Variants in TRPM3 observed in about 807,000 individuals in gnomAD.
TRPM3 encodes transient receptor potential cation channel subfamily M member 3.
TRPM3 carries 77 observed loss-of-function variants against 181.2 expected under a neutral mutation model. The observed-to-expected ratio is 0.42, with a 90% CI of 0.35 to 0.51. The LOEUF is 0.51. TRPM3 is among the 20% of genes least tolerant of loss of function. The pLI is 0.01. For synonymous variants in TRPM3, 745 were observed against 796.4 expected (o/e 0.94, Z 1.09); for missense variants, 1,759 against 2,196.7 (o/e 0.80, Z 3.98).
intron 1 of TRPM3, among the ~76,000 whole-genome samples, chr9:71,032,201 A>G (rs2057609462): frequency 7.8e-6 from 1 of 128,682 alleles, no homozygotes; most frequent in South Asian, 2.2e-4. Context: ...AATATAATAT[A>G]TAATATATAG....
chr9:70,808,078 A>G (rs2091083586), intron 6 of TRPM3, among the ~76,000 whole-genome samples: 1 of 152,188 alleles, frequency 6.6e-6, no homozygotes, highest in South Asian at 2.1e-4. Context: ...ATGTTAGGAG[A>G]AGCTATAAAA....
At chr9:71,042,618 G>A (rs975889499) in intron 1 of TRPM3, among the ~76,000 whole-genome samples, 1 of 152,120 alleles carries the variant, frequency 6.6e-6, no homozygotes, top group Non-Finnish European at 1.5e-5. Context: ...CTATGTCCAA[G>A]CTAATATTTA....
intron 1 of TRPM3, among the ~76,000 whole-genome samples, chr9:71,389,250 A>G (rs2093000965): frequency 6.6e-6 from 1 of 152,158 alleles, no homozygotes; most frequent in Non-Finnish European, 1.5e-5. Flanking sequence ...ACTAATGATC[A>G]GGGAAATGCA....
chr9:71,356,540 T>C (rs1260858914), intron 1 of TRPM3, among the ~76,000 whole-genome samples: 1 of 152,150 alleles, frequency 6.6e-6, no homozygotes, highest in Non-Finnish European at 1.5e-5. Flanking sequence ...TGAGGCACAT[T>C]ACTTCACTTA....
At chr9:71,135,704 G>A (rs1367948500) in intron 1 of TRPM3, among the ~76,000 whole-genome samples, 1 of 152,150 alleles carries the variant, frequency 6.6e-6, no homozygotes. Flanking sequence ...GATATAAGTA[G>A]AGAGTTTTGC....
intron 22 of TRPM3, among the ~76,000 whole-genome samples, chr9:70,571,904 C>T (rs2132178073): frequency 6.6e-6 from 1 of 152,228 alleles, no homozygotes; most frequent in South Asian, 2.1e-4. Context: ...TTTTGTGTTG[C>T]CAGCAATGTC....
At chr9:70,987,742 G>A (rs1262606069) in intron 1 of TRPM3, among the ~76,000 whole-genome samples, 1 of 152,044 alleles carries the variant, frequency 6.6e-6, no homozygotes, top group Admixed American at 6.6e-5. Context: ...CTGCACACCA[G>A]TAGAACAATG....
chr9:70,985,537 T>C (rs2097410805), intron 1 of TRPM3, among the ~76,000 whole-genome samples: 1 of 152,184 alleles, frequency 6.6e-6, no homozygotes, highest in African/African-American at 2.4e-5. Flanking sequence ...TTTAGTTAGG[T>C]ATTTATTATT....
intron 1 of TRPM3, among the ~76,000 whole-genome samples, chr9:71,388,954 A>G (rs1379681630): frequency 1.3e-5 from 2 of 152,110 alleles, no homozygotes; most frequent in Non-Finnish European, 2.9e-5. Flanking sequence ...TAGCAAAACA[A>G]CAGCTTCTTT....
chr9:70,569,275 TA>T, intron 22 of TRPM3, among the ~76,000 whole-genome samples: 1 of 152,200 alleles, frequency 6.6e-6, no homozygotes. Flanking sequence ...GACCCAAGAA[TA>T]AGCAGTCTGT....
intron 1 of TRPM3, among the ~76,000 whole-genome samples, chr9:71,305,898 T>C (rs1409314147): frequency 2.0e-5 from 3 of 152,138 alleles, no homozygotes; most frequent in African/African-American, 4.8e-5. Context: ...ATCTATCTTA[T>C]AGGATCAGGG....
intron 9 of TRPM3, among the ~76,000 whole-genome samples, chr9:70,645,154 A>G (rs1029521001): frequency 2.6e-5 from 4 of 152,216 alleles, no homozygotes; most frequent in Admixed American, 6.5e-5. Context: ...TACAGATTCA[A>G]TGCTATTACC....
rs993914053 is a variant in TRPM3 at position 70,974,517 on chromosome 9, C to T, written c.178-110006G>A. 4.0e-5 allele frequency among the ~76,000 whole-genome samples: 6 copies of T among 150,546 alleles called. No homozygotes were observed. In the East Asian group the frequency reaches 8.0e-4, roughly 20 times the overall value. ...GCGCGCCACTGCACTCCAGCCTGGG[C>T]GACAGAGCGAGACTCCGTCTCAAAA... is the stretch of plus-strand genomic sequence containing the variant. On this transcript the variant is annotated intron_variant, in intron 1 of 25. Coordinates refer to ENST00000677713, the MANE Select transcript of TRPM3 (RefSeq NM_001366145.2).
chr9:71,351,870 GTTTTTGTT>G (rs2091648727), intron 1 of TRPM3, among the ~76,000 whole-genome samples: 3 of 95,660 alleles, frequency 3.1e-5, no homozygotes, highest in South Asian at 8.0e-4. Context: ...TTGTTTGTTT[GTTTTTGTT>G]TTTTTTTTTT....
At chr9:71,265,021 T>C (rs1052817535) in intron 1 of TRPM3, among the ~76,000 whole-genome samples, 1 of 152,188 alleles carries the variant, frequency 6.6e-6, no homozygotes, top group Non-Finnish European at 1.5e-5. Flanking sequence ...ATTTGGATGA[T>C]AGCAAAGAAA....
chr9:71,200,440 G>A (rs890150092), intron 1 of TRPM3, among the ~76,000 whole-genome samples: 4 of 150,708 alleles, frequency 2.7e-5, no homozygotes, highest in Admixed American at 2.7e-4. Flanking sequence ...TTAACTTTCT[G>A]TCTCGTTGAT....
At chr9:70,617,511 A>T (rs1194203285) in intron 17 of TRPM3, among the ~76,000 whole-genome samples, 2 of 152,224 alleles carry the variant, frequency 1.3e-5, no homozygotes, top group African/African-American at 4.8e-5. Context: ...TGTAATGTAC[A>T]ATACGAGGAC....
chr9:71,133,292 C>CTTTTTTTTTT lies in TRPM3; in HGVS notation c.184-268791_184-268782dup, dbSNP rs761379173. Among the ~76,000 whole-genome samples the CTTTTTTTTTT allele has an allele frequency of 3.4e-3, 243 of 72,324 alleles. 42 individuals are homozygous for CTTTTTTTTTT. The highest frequency in any genetic ancestry group is 4.1e-3 in the South Asian group (6 of 1,474). The allele number at this position is 72,324 out of a possible 152,430, so 47.4% of individuals were successfully genotyped here. On this transcript the variant is annotated intron_variant, in intron 1 of 24. Coordinates refer to the TRPM3 transcript ENST00000357533. ...CATTTGTAATTCTTCTAGCAAATTG[C>CTTTTTTTTTT]TTTTTTTTTTTTTTTTTTTGAGACA...
intron 11 of TRPM3, among the ~76,000 whole-genome samples, chr9:70,637,334 T>G (rs2057368284): frequency 6.6e-6 from 1 of 152,198 alleles, no homozygotes; most frequent in Non-Finnish European, 1.5e-5. Flanking sequence ...GTGTTAGCTA[T>G]TATTATTACT....
Sources: gnomAD v4.1 joint callset for allele counts (sites outside exome capture counted in the v4.1 genomes callset) on GRCh38, gnomAD v4.1.1 for gene constraint, MANE v1.5 for transcripts, NCBI Gene and HGNC (gene_info 2026-07-23, HGNC 2026-07-21) for gene names.